PFKP: variants seen among roughly 807,000 people sequenced by gnomAD.
The protein encoded by PFKP is phosphofructokinase, platelet.
PFKP carries 101 observed loss-of-function variants against 94.3 expected under a neutral mutation model. The ratio of observed to expected loss-of-function variants is 1.07; its 90% CI spans 0.91 to 1.26. The LOEUF (loss-of-function observed/expected upper bound fraction) is 1.26. Among genes scored for constraint, PFKP ranks in the 50% most tolerant of loss-of-function variants. PFKP has a pLI of 0.00. For missense variants in PFKP, 1,145 were observed against 1,103.3 expected (o/e 1.04, Z -0.53); for synonymous variants, 573 against 432.6 (o/e 1.32, Z -4.03).
intron 16 of PFKP, among the ~76,000 whole-genome samples, chr10:3,121,327 G>A (rs774996109): frequency 3.0e-4 from 46 of 152,152 alleles, no homozygotes; most frequent in Non-Finnish European, 4.0e-4. Flanking sequence ...ACCTACCTTC[G>A]CACTGTGAAT....
At chr10:3,075,894 G>T (rs1267083617) in intron 1 of PFKP, among the ~76,000 whole-genome samples, 1 of 129,714 alleles carries the variant, frequency 7.7e-6, no homozygotes. Flanking sequence ...AACAGAGTGA[G>T]ACCCTATCGC....
chr10:3,088,155 C>A (rs1385568925), intron 2 of PFKP, among the ~76,000 whole-genome samples: 1 of 121,970 alleles, frequency 8.2e-6, no homozygotes. Flanking sequence ...CTCCCCCCAC[C>A]CCACAACAGG....
chr10:3,105,725 CAG>C (rs1307727612), intron 7 of PFKP, among the ~76,000 whole-genome samples: 4 of 152,186 alleles, frequency 2.6e-5, no homozygotes, highest in Admixed American at 6.5e-5. Context: ...GAGGCTGAGA[CAG>C]AGTGAGCCTG....
intron 20 of PFKP, 142 bp downstream of exon 20, chr10:3,134,724 A>C (rs997953416): frequency 1.7e-6 from 1 of 584,290 alleles, no homozygotes; most frequent in East Asian, 2.6e-5. Flanking sequence ...TTTACTCCTG[A>C]TCTCTGAGTG....
chr10:3,125,789 C>T (rs765879741), intron 16 of PFKP, among the ~76,000 whole-genome samples: 8 of 152,188 alleles, frequency 5.3e-5, no homozygotes, highest in Non-Finnish European at 8.8e-5. Flanking sequence ...GTGCTGACAC[C>T]CACATGGTGG....
At chr10:3,127,135 A>C (rs750191230) in intron 16 of PFKP, among the ~76,000 whole-genome samples, 5 of 152,246 alleles carry the variant, frequency 3.3e-5, no homozygotes, top group African/African-American at 4.8e-5. Context: ...TATTTTTAGA[A>C]GCTAATTCAG....
At chr10:3,135,433 T>C (rs1839139179) in intron 20 of PFKP, among the ~76,000 whole-genome samples, 1 of 128,288 alleles carries the variant, frequency 7.8e-6, no homozygotes, top group Admixed American at 7.5e-5. Flanking sequence ...TGTGTGAGCA[T>C]AAATTAGTGT....
intron 16 of PFKP, among the ~76,000 whole-genome samples, chr10:3,122,522 G>A (rs1319938947): frequency 6.6e-6 from 1 of 152,226 alleles, no homozygotes; most frequent in African/African-American, 2.4e-5. Context: ...GGGCTCGTCT[G>A]GCCATAGAAG....
At chr10:3,118,385 T>G (rs894068637) in intron 14 of PFKP, among the ~76,000 whole-genome samples, 2 of 152,110 alleles carry the variant, frequency 1.3e-5, no homozygotes, top group East Asian at 1.9e-4. Context: ...CGAGAATCAC[T>G]TGAACCCGGG....
At position 3,135,856 on chromosome 10, in the gene PFKP, C is replaced by T. The variant is rs750747004; in HGVS notation, c.2225+18C>T. ...GATTTTGAGTAAGTTGGCTGGGTTC[C>T]CTGAGGCAATAAGACCCCAATGTGA... On this transcript the variant is annotated intron_variant, in intron 21 of 21. Transcript: ENST00000381125. 3.3e-6 allele frequency: 5 copies of T among 1,507,954 alleles called. No individual in the cohort carries two copies. The highest frequency in any genetic ancestry group is 3.3e-5 in the Admixed American group (2 of 59,820). The allele number at this position is 1,507,954 out of a possible 1,614,324, so 93.4% of individuals were successfully genotyped here. A position where few individuals can be genotyped will look rare whatever the true frequency, so the allele number is the denominator to read the frequency against.
intron 13 of PFKP, among the ~76,000 whole-genome samples, chr10:3,116,004 T>A (rs919153482): frequency 1.3e-5 from 2 of 152,196 alleles, no homozygotes; most frequent in Non-Finnish European, 2.9e-5. Flanking sequence ...GATCTTGCTT[T>A]CCCCGTCTTT....
At position 3,067,659 on chromosome 10, in the gene PFKP, G is replaced by C. The variant is rs1199175408; in HGVS notation, c.64G>C (p.Gly22Arg). The change falls in exon 1 of 22, where the codon GGG (glycine) becomes CGG (arginine). Residue 22 changes from glycine (G) to arginine (R), a missense_variant. Gly to Arg is a moderately radical substitution (Grantham distance 125, BLOSUM62 -2). Around this residue, in one of 3 missense-constraint regions of PFKP, gnomAD observed 1,119 missense variants for 1,062.8 expected, o/e 1.05. Coordinates refer to ENST00000381125, the MANE Select transcript of PFKP (RefSeq NM_002627.5). ...GCGGAAGTTCCTGGAGCACCTCTCC[G>C]GGGCCGGCAAGGCCATCGGCGTGCT... ...SLRKFLEHLSGAGKAIGVLTS... is the reference protein window; with the variant it reads ...SLRKFLEHLSRAGKAIGVLTS... 2.6e-6 allele frequency: 4 copies of C among 1,534,104 alleles called. No individual in the cohort carries two copies. The highest frequency in any genetic ancestry group is 1.4e-5 in the African/African-American group (1 of 71,314).
chr10:3,100,882 A>AAAAAAAAAAAAAG, intron 3 of PFKP: 3 of 1,125,612 alleles, frequency 2.7e-6, no homozygotes, highest in Non-Finnish European at 2.6e-6. Flanking sequence ...AAAAAAAAAA[A>AAAAAAAAAAAAAG]TCCCCCTGGC....
chr10:3,093,027 G>A (rs1421618519), intron 2 of PFKP, among the ~76,000 whole-genome samples: 1 of 150,904 alleles, frequency 6.6e-6, no homozygotes, highest in Non-Finnish European at 1.5e-5. Context: ...TGTGTGGAAG[G>A]GGGTGGCCAC....
intron 19 of PFKP, among the ~76,000 whole-genome samples, chr10:3,133,939 T>G (rs1448514436): frequency 6.6e-6 from 1 of 152,188 alleles, no homozygotes; most frequent in Non-Finnish European, 1.5e-5. Flanking sequence ...TTATCAGACA[T>G]GTAGTATACT....
chr10:3,124,575 C>T lies in PFKP; in HGVS notation c.1683+4531C>T, dbSNP rs554914924. Among the ~76,000 whole-genome samples the T allele has an allele frequency of 3.3e-5, 5 of 152,300 alleles. No homozygotes were observed. In the South Asian group the frequency reaches 1.0e-3, roughly 32 times the overall value. On this transcript the variant is annotated intron_variant, in intron 16 of 21. Transcript: ENST00000381125. The stretch of plus-strand genomic sequence containing the variant: ...GTGGCGTGGGGCTGAGTGTGGCCCA[C>T]CGGTAATCCAGCTGCATGCCCCCTT...
intron 2 of PFKP, among the ~76,000 whole-genome samples, chr10:3,097,191 C>T (rs966960627): frequency 1.3e-5 from 2 of 151,698 alleles, no homozygotes; most frequent in East Asian, 1.9e-4. Context: ...CGCCTACCTA[C>T]CTATTGTACT....
chr10:3,077,555 C>T (rs1192580922), intron 1 of PFKP, among the ~76,000 whole-genome samples: 1 of 151,352 alleles, frequency 6.6e-6, no homozygotes, highest in African/African-American at 2.4e-5. Context: ...CATGAGGCAT[C>T]GTGCCTGGCC....
intron 5 of PFKP, 66 bp downstream of exon 5, chr10:3,104,010 C>G (rs190657229): frequency 2.0e-6 from 3 of 1,473,486 alleles, no homozygotes; most frequent in Non-Finnish European, 2.8e-6. Flanking sequence ...TCAGACGTTA[C>G]CACGGGCTCT....
Sources: gnomAD v4.1 joint callset for allele counts (sites outside exome capture counted in the v4.1 genomes callset) on GRCh38, gnomAD v4.1.1 for gene constraint, gnomAD v4.1.1 regional missense constraint, MANE v1.5 for transcripts, NCBI Gene and HGNC (gene_info 2026-07-23, HGNC 2026-07-21) for gene names.